Variants in ROR2 observed in about 807,000 individuals in gnomAD.
ROR2 encodes tyrosine-protein kinase transmembrane receptor ROR2.
A neutral mutation model predicts 74.9 loss-of-function variants in ROR2; 33 were observed. The ratio of observed to expected loss-of-function variants is 0.44; its 90% CI spans 0.33 to 0.59. ROR2 has a LOEUF of 0.59. Ranked by LOEUF, ROR2 falls within the 20% of genes least tolerant of loss-of-function variation. The pLI is 0.02. For synonymous variants in ROR2, 586 were observed against 558.7 expected (o/e 1.05, Z -0.69); for missense variants, 1,216 against 1,313.8 (o/e 0.93, Z 1.15).
chr9:91,731,082 G>A lies in ROR2; in HGVS notation c.1011C>T (p.Cys337=). Residue 337 remains cysteine (C), a synonymous_variant, in exon 7 of 9, where the codon TGC becomes TGT. Transcript: ENST00000375708. ...GGGGGTGCTGCAGGGCCCACGGCTGGCACTGGTGGCCTGACTTGGTGGTGC... is the reference window on the plus strand; with the variant it reads ...GGGGGTGCTGCAGGGCCCACGGCTGACACTGGTGGCCTGACTTGGTGGTGC... ...TASTTKSGHQ[C]QPWALQHPHS... is the part of the protein sequence containing the mutation. The A allele has an allele frequency of 6.2e-7, 1 of 1,614,104 alleles. No homozygotes were observed. Among genetic ancestry groups the A allele is most frequent in the Non-Finnish European group, 8.5e-7 (1 of 1,180,026 alleles).
chr9:91,887,615 G>T (rs190827107), intron 1 of ROR2, among the ~76,000 whole-genome samples: 1 of 152,098 alleles, frequency 6.6e-6, no homozygotes, highest in Admixed American at 6.6e-5. Context: ...GTTTCCTTGC[G>T]CCCTTATCTG....
At chr9:91,834,726 G>A (rs189342270) in intron 1 of ROR2, among the ~76,000 whole-genome samples, 6 of 152,304 alleles carry the variant, frequency 3.9e-5, no homozygotes, top group Admixed American at 1.3e-4. Context: ...TCCCAAATGA[G>A]AGCTCTTGCG....
intron 1 of ROR2, among the ~76,000 whole-genome samples, chr9:91,914,014 T>C (rs6479381): frequency 0.088 from 13,448 of 152,052 alleles, 1,034 homozygotes; most frequent in African/African-American, 0.21. Flanking sequence ...AATAAGATGG[T>C]AAAGTCTCTC....
At chr9:91,841,460 C>T (rs1190440096) in intron 1 of ROR2, among the ~76,000 whole-genome samples, 2 of 152,232 alleles carry the variant, frequency 1.3e-5, no homozygotes, top group Non-Finnish European at 1.5e-5. Context: ...AAGCTGCAGT[C>T]CCTGACACAG....
chr9:91,792,649 A>G (rs927704282), intron 1 of ROR2, among the ~76,000 whole-genome samples: 1 of 152,198 alleles, frequency 6.6e-6, no homozygotes, highest in African/African-American at 2.4e-5. Flanking sequence ...CTTTAGCTAG[A>G]CTGACCAAGA....
At chr9:91,784,799 T>C (rs535329606) in intron 1 of ROR2, among the ~76,000 whole-genome samples, 1 of 152,350 alleles carries the variant, frequency 6.6e-6, no homozygotes, top group South Asian at 2.1e-4. Context: ...CACAAAGTCC[T>C]AACCTAACCA....
chr9:91,778,435 C>T (rs547495774), intron 1 of ROR2, among the ~76,000 whole-genome samples: 72 of 152,182 alleles, frequency 4.7e-4, no homozygotes, highest in Non-Finnish European at 9.3e-4. Flanking sequence ...TACATAAAGG[C>T]CTTTTCGGTT....
intron 1 of ROR2, chr9:91,948,987 C>T: frequency 1.1e-5 from 10 of 932,732 alleles, no homozygotes; most frequent in Non-Finnish European, 1.3e-5. Flanking sequence ...ACCTCCCCGC[C>T]GTTCCTCTGC....
intron 5 of ROR2, among the ~76,000 whole-genome samples, chr9:91,734,774 G>A (rs1264160405): frequency 2.0e-5 from 3 of 152,250 alleles, no homozygotes; most frequent in Non-Finnish European, 2.9e-5. Context: ...AATGGGCCCA[G>A]GGGTCTGGTA....
chr9:91,747,720 G>A (rs1233631197), intron 4 of ROR2, among the ~76,000 whole-genome samples: 2 of 151,954 alleles, frequency 1.3e-5, no homozygotes, highest in Non-Finnish European at 2.9e-5. Context: ...TTAAGGTCCA[G>A]AGATATCGTA....
intron 1 of ROR2, among the ~76,000 whole-genome samples, chr9:91,859,516 C>A (rs1322044051): frequency 6.6e-6 from 1 of 151,780 alleles, no homozygotes; most frequent in Admixed American, 6.5e-5. Flanking sequence ...TAACAACAGT[C>A]TCTTTTGGAA....
chr9:91,875,863 AG>A (rs1414440640), intron 1 of ROR2, among the ~76,000 whole-genome samples: 4 of 152,132 alleles, frequency 2.6e-5, no homozygotes, highest in African/African-American at 9.7e-5. Context: ...CCTCAGCCAC[AG>A]GAAGACTCAG....
At chr9:91,725,570 A>G (rs1167351108) in intron 8 of ROR2, among the ~76,000 whole-genome samples, 1 of 152,166 alleles carries the variant, frequency 6.6e-6, no homozygotes, top group Non-Finnish European at 1.5e-5. Context: ...AGGCTTTCCC[A>G]CGACATTTTT....
chr9:91,819,719 C>G (rs984766471), intron 1 of ROR2, among the ~76,000 whole-genome samples: 27 of 149,314 alleles, frequency 1.8e-4, no homozygotes, highest in South Asian at 8.5e-4. Flanking sequence ...CTGTGTGTGT[C>G]TTTTGAGTAT....
In ROR2 at chr9:91,750,262, T is replaced by G. The variant is rs562284091; in HGVS notation, c.494+5809A>C. Among the ~76,000 whole-genome samples, 5 of 152,278 alleles carry G rather than the reference T, an allele frequency of 3.3e-5. No homozygotes were observed. The South Asian group carries it at 1.0e-3, about 32-fold the overall frequency. ...TGCAGGCTATTTTAGTTATCTACCA[T>G]AGTTATTTTCTATAATGTCACGACA... On this transcript the variant is annotated intron_variant, in intron 4 of 8. Coordinates refer to ENST00000375708, the MANE Select transcript of ROR2 (RefSeq NM_004560.4).
chr9:91,836,974 G>T (rs1828627644), intron 1 of ROR2, among the ~76,000 whole-genome samples: 1 of 152,176 alleles, frequency 6.6e-6, no homozygotes, highest in African/African-American at 2.4e-5. Flanking sequence ...CTAGAGGAAA[G>T]AAATTACAGT....
At chr9:91,852,642 CA>C (rs1387772213) in intron 1 of ROR2, among the ~76,000 whole-genome samples, 8 of 151,344 alleles carry the variant, frequency 5.3e-5, no homozygotes, top group African/African-American at 9.8e-5. Context: ...CACACACACA[CA>C]CACACACCCA....
intron 1 of ROR2, among the ~76,000 whole-genome samples, chr9:91,921,489 T>A (rs868362104): frequency 6.6e-6 from 1 of 152,264 alleles, no homozygotes; most frequent in South Asian, 2.1e-4. Flanking sequence ...CTGTGCTTAA[T>A]TGCAGACCAA....
rs76515694 is a variant in ROR2 at position 91,740,947 on chromosome 9, T to C, written c.495-3429A>G. On this transcript the variant is annotated intron_variant, in intron 4 of 8. Coordinates refer to ENST00000375708, the MANE Select transcript of ROR2 (RefSeq NM_004560.4). Reference sequence around the variant, plus strand: ...CACTGATCCAAGGCCTGACGGGACATGGATGAAGAAGAAACTTCTACACCA... The same window carrying C: ...CACTGATCCAAGGCCTGACGGGACACGGATGAAGAAGAAACTTCTACACCA... Among the ~76,000 whole-genome samples the C allele has an allele frequency of 4.8e-3, 723 of 152,196 alleles. 5 individuals carry two copies. The highest frequency in any genetic ancestry group is 0.017 in the African/African-American group (696 of 41,528).
Sources: gnomAD v4.1 joint callset for allele counts (sites outside exome capture counted in the v4.1 genomes callset) on GRCh38, gnomAD v4.1.1 for gene constraint, MANE v1.5 for transcripts, NCBI Gene and HGNC (gene_info 2026-07-23, HGNC 2026-07-21) for gene names.